Variants in PIEZO2 observed in about 807,000 individuals in gnomAD.
PIEZO2 encodes piezo type mechanosensitive ion channel component 2.
Under a neutral mutation model 337.3 loss-of-function variants are expected in PIEZO2, and 172 were observed. That is an observed-to-expected ratio of 0.51 (90% CI 0.45 to 0.58). The LOEUF (loss-of-function observed/expected upper bound fraction) is 0.58, where lower values mean the gene tolerates loss of function less well. PIEZO2 is among the 20% of genes least tolerant of loss of function. The probability of loss-of-function intolerance (pLI) is 0.00; values close to 1 mark genes in which losing one functional copy is unlikely to be tolerated. For missense variants in PIEZO2, 3,028 were observed against 3,391.3 expected (o/e 0.89, Z 2.66); for synonymous variants, 1,251 against 1,228.5 (o/e 1.02, Z -0.38).
At position 10,791,269 on chromosome 18, in the gene PIEZO2, T is replaced by G; in HGVS notation, c.1814A>C (p.Lys605Thr). ...AAGAGCTTCCTTTTCTTGCAGAGCT[T>G]TTTGCTCTGTGAGGTGCTGCCTCAG... ...LLLRQHLTEQ[K>T]ALQEKEALLS... The change falls in exon 14 of 56, where the codon AAA (lysine) becomes ACA (threonine). Residue 605 changes from lysine to threonine, a missense_variant. Coordinates refer to ENST00000674853, the MANE Select transcript of PIEZO2 (RefSeq NM_001378183.1). 11 of 1,536,022 alleles carry G rather than the reference T, an allele frequency of 7.2e-6. No individual in the cohort carries two copies. The highest frequency in any genetic ancestry group is 9.6e-6 in the Non-Finnish European group (11 of 1,146,268).
At chr18:10,951,525 C>T (rs1568232664) in intron 3 of PIEZO2, among the ~76,000 whole-genome samples, 1 of 152,186 alleles carries the variant, frequency 6.6e-6, no homozygotes, top group Admixed American at 6.5e-5. Flanking sequence ...GTTTCTAAAA[C>T]GTCATCTGCT....
In PIEZO2 at chr18:10,929,624, C is replaced by A. The variant is rs148222042; in HGVS notation, c.287-18396G>T. On this transcript the variant is annotated intron_variant, in intron 3 of 55. Transcript: ENST00000674853. This position sits in a 1 kb window ranked among gnomAD's most constrained non-coding sequence, Gnocchi z 5.6. ...GAGGAAAATGCCTCTACCAACCTCT[C>A]GGGTCTCAGGACAGATCCCGCTATC... Among the ~76,000 whole-genome samples, 1 of 152,150 alleles carries A rather than the reference C, an allele frequency of 6.6e-6. No homozygotes were observed. Among genetic ancestry groups the A allele is most frequent in the African/African-American group, 2.4e-5 (1 of 41,420 alleles).
chr18:10,870,382 T>C lies in PIEZO2; in HGVS notation c.492+871A>G, dbSNP rs2042110968. ...ATTAACTTCAGTTTTATAAGTGTAA[T>C]ATCTTGCCAAAGCTTATGACTGAAA... On this transcript the variant is annotated intron_variant, in intron 5 of 55. Transcript: ENST00000674853. The surrounding 1 kb of genome is among the most constrained non-coding windows in gnomAD (Gnocchi z 5.3). 6.6e-6 allele frequency among the ~76,000 whole-genome samples: 1 copy of C among 152,234 alleles called. No homozygotes were observed. The highest frequency in any genetic ancestry group is 2.4e-5 in the African/African-American group (1 of 41,468).
chr18:11,091,256 C>T (rs777496986), intron 1 of PIEZO2, among the ~76,000 whole-genome samples: 23 of 151,728 alleles, frequency 1.5e-4, no homozygotes, highest in South Asian at 6.2e-4. Context: ...TGGTGGCACG[C>T]GCCTGTAATC....
rs187439646 is a variant in PIEZO2, at chr18:11,144,806, T to C, written c.64+3719A>G. ...CGGGCAGCCATGATCTCTAATCCCCTGTTCCCCCAAGCAAGGCTTCCCCTT... is the reference window on the plus strand; with the variant it reads ...CGGGCAGCCATGATCTCTAATCCCCCGTTCCCCCAAGCAAGGCTTCCCCTT... On this transcript the variant is annotated intron_variant, in intron 1 of 55. Coordinates refer to ENST00000674853, the MANE Select transcript of PIEZO2 (RefSeq NM_001378183.1). Among the ~76,000 whole-genome samples the C allele has an allele frequency of 3.8e-3, 582 of 152,278 alleles. 2 individuals are homozygous for C. Among genetic ancestry groups the C allele is most frequent in the Non-Finnish European group, 4.6e-3 (310 of 68,006 alleles).
At chr18:11,121,546 A>G (rs1376255509) in intron 1 of PIEZO2, among the ~76,000 whole-genome samples, 1 of 152,184 alleles carries the variant, frequency 6.6e-6, no homozygotes, top group Admixed American at 6.5e-5. Context: ...AGCCTGGGCA[A>G]CAGAGCAAGA....
chr18:10,748,187 A>T lies in PIEZO2; in HGVS notation c.4424+284T>A, dbSNP rs185609127. Among the ~76,000 whole-genome samples, 70 of 152,310 alleles carry T rather than the reference A, an allele frequency of 4.6e-4. 1 individual carries two copies. Among genetic ancestry groups the T allele is most frequent in the African/African-American group, 1.6e-3 (68 of 41,550 alleles). On this transcript the variant is annotated intron_variant, in intron 30 of 55. Coordinates refer to ENST00000674853, the MANE Select transcript of PIEZO2 (RefSeq NM_001378183.1). This position sits in a 1 kb window ranked among gnomAD's most constrained non-coding sequence, Gnocchi z 5.1. ...GTTTTGTCTGAGACCAGACTGAGCCACTTCTAGAGAAGTGGTGGATTCTGC... is the reference window on the plus strand; with the variant it reads ...GTTTTGTCTGAGACCAGACTGAGCCTCTTCTAGAGAAGTGGTGGATTCTGC...
chr18:10,704,358 C>A, intron 42 of PIEZO2, 36 bp downstream of exon 42: 3 of 1,532,606 alleles, frequency 2.0e-6, no homozygotes, highest in East Asian at 2.4e-5. Flanking sequence ...GCATAGCCGC[C>A]TGAAGCCATC....
At chr18:11,024,077 C>T (rs1469279625) in intron 2 of PIEZO2, among the ~76,000 whole-genome samples, 3 of 152,192 alleles carry the variant, frequency 2.0e-5, no homozygotes, top group African/African-American at 4.8e-5. Context: ...CCTTGGCCAG[C>T]CCAGAAAGGG....
chr18:10,859,544 A>G lies in PIEZO2; in HGVS notation c.493-2333T>C, dbSNP rs561421867. ...CAGCCATCCTGGCTCTCTCTCCTGC[A>G]TCACAATGTGCTTTCTTTCTGCTGG... On this transcript the variant is annotated intron_variant, in intron 5 of 55. Transcript: ENST00000674853. This position sits in a 1 kb window ranked among gnomAD's most constrained non-coding sequence, Gnocchi z 4.9. Among the ~76,000 whole-genome samples the G allele has an allele frequency of 4.6e-5, 7 of 152,364 alleles. No individual in the cohort carries two copies. The highest frequency in any genetic ancestry group is 1.7e-4 in the African/African-American group (7 of 41,600).
chr18:10,796,369 CAAAA>C (rs58330881), intron 12 of PIEZO2, among the ~76,000 whole-genome samples: 3 of 144,572 alleles, frequency 2.1e-5, no homozygotes, highest in Non-Finnish European at 3.0e-5. Context: ...GACTCCATCT[CAAAA>C]AAAAAAAAAA....
intron 3 of PIEZO2, among the ~76,000 whole-genome samples, chr18:10,927,245 T>C (rs1030368873): frequency 2.0e-5 from 3 of 151,552 alleles, no homozygotes; most frequent in African/African-American, 7.2e-5. Flanking sequence ...TTATTATTAT[T>C]ATTTTTTAAA....
Position 10,750,547 on chromosome 18 carries a change from T to C in PIEZO2, c.4168-360A>G, listed in dbSNP as rs1478896875. 6.6e-6 allele frequency among the ~76,000 whole-genome samples: 1 copy of C among 152,198 alleles called. No homozygotes were observed. Among genetic ancestry groups the C allele is most frequent in the Non-Finnish European group, 1.5e-5 (1 of 68,046 alleles). ...TTGGACTTTGGTAGAGTTATTTTCT[T>C]ACAAGCCAGACACATATAACCTATG... On this transcript the variant is annotated intron_variant, in intron 28 of 55. Coordinates refer to ENST00000674853, the MANE Select transcript of PIEZO2 (RefSeq NM_001378183.1). The surrounding 1 kb of genome is among the most constrained non-coding windows in gnomAD (Gnocchi z 4.1).
In PIEZO2 at chr18:10,671,440, A is replaced by G. The variant is rs1402303755; in HGVS notation, c.*87T>C. ...AAGAGAAACAAACCATTTCCGTCGA[A>G]CTAGAAATGCTTAGCTCTTATGAGA... On this transcript the variant is annotated 3_prime_UTR_variant, in exon 56 of 56. Transcript: ENST00000674853. 9 of 1,378,760 alleles carry G rather than the reference A, an allele frequency of 6.5e-6. No homozygotes were observed. In the Admixed American group the frequency reaches 1.0e-4, roughly 15 times the overall value. 85.4% of individuals were successfully genotyped at this position (1,378,760 alleles called of 1,614,324 possible).
chr18:11,113,134 G>C (rs1304905552), intron 1 of PIEZO2, among the ~76,000 whole-genome samples: 3 of 152,126 alleles, frequency 2.0e-5, no homozygotes, highest in African/African-American at 7.2e-5. Context: ...TATGCTCCTG[G>C]AAAACAGCAA....
chr18:10,781,267 G>A lies in PIEZO2; in HGVS notation c.2493-901C>T, dbSNP rs185505953. Among the ~76,000 whole-genome samples the A allele has an allele frequency of 5.6e-4, 85 of 152,002 alleles. 3 individuals carry two copies. In the South Asian group the frequency reaches 7.1e-3, roughly 13 times the overall value. ...AGGTGGATCATGAGGTCAAGAGTTC[G>A]ATACCAGCCTGGCCAATATGGTGAA... is the stretch of plus-strand genomic sequence containing the variant. On this transcript the variant is annotated intron_variant, in intron 17 of 55. Transcript: ENST00000674853. The surrounding 1 kb of genome is among the most constrained non-coding windows in gnomAD (Gnocchi z 4.1).
intron 3 of PIEZO2, among the ~76,000 whole-genome samples, chr18:10,935,262 TAGAA>T (rs1393558732): frequency 6.6e-6 from 1 of 152,154 alleles, no homozygotes; most frequent in Admixed American, 6.5e-5. Flanking sequence ...TGATTATGAA[TAGAA>T]AGATTTGCTT....
chr18:10,999,882 G>A (rs2035469235), intron 2 of PIEZO2, among the ~76,000 whole-genome samples: 1 of 152,172 alleles, frequency 6.6e-6, no homozygotes, highest in Admixed American at 6.5e-5. Flanking sequence ...AAACACCTAT[G>A]AGCTGGGAAG....
intron 8 of PIEZO2, among the ~76,000 whole-genome samples, chr18:10,805,378 T>C (rs550013100): frequency 3.9e-5 from 6 of 152,226 alleles, no homozygotes; most frequent in African/African-American, 1.4e-4. Flanking sequence ...TAGCCAGGCG[T>C]GGTGTCGGGC....
Sources: allele counts gnomAD v4.1 joint callset (sites outside exome capture counted in the v4.1 genomes callset), GRCh38; gene constraint gnomAD v4.1.1; non-coding constraint Gnocchi (gnomAD v3.1); transcripts MANE v1.5; gene names NCBI Gene and HGNC (gene_info 2026-07-23, HGNC 2026-07-21).